Variants in PFKP observed in about 807,000 individuals in gnomAD.
PFKP encodes the protein ATP-dependent 6-phosphofructokinase, platelet type.
In PFKP, 101 loss-of-function variants were observed where a neutral mutation model predicts 94.3. The observed-to-expected ratio is 1.07, with a 90% CI of 0.91 to 1.26. PFKP has a LOEUF of 1.26. Among genes scored for constraint, PFKP ranks in the 50% most tolerant of loss-of-function variants. The probability of loss-of-function intolerance (pLI) is 0.00; values close to 1 mark genes in which losing one functional copy is unlikely to be tolerated. For missense variants in PFKP, 1,145 were observed against 1,103.3 expected, an observed-to-expected ratio of 1.04 and a Z score of -0.53; for synonymous variants, 573 against 432.6, an observed-to-expected ratio of 1.32 and a Z score of -4.03.
At position 3,101,370 on chromosome 10, in the gene PFKP, G is replaced by T; in HGVS notation, c.270G>T (p.Gly90=). 1 of 1,584,310 alleles carries T rather than the reference G, an allele frequency of 6.3e-7. No individual in the cohort carries two copies. The highest frequency in any genetic ancestry group is 8.6e-7 in the Non-Finnish European group (1 of 1,165,196). The change falls in exon 4 of 22, where the codon GGG becomes GGT. Residue 90 remains glycine, a synonymous_variant. Transcript: ENST00000381125. The part of the protein sequence containing the change: ...ESVSSILQVG[G]TIIGSARCQA... ...TTAGCTGGTGTCTTTCCCAGGGCGG[G>T]ACGATCATTGGCAGTGCGCGGTGCC...
chr10:3,103,798 C>A lies in PFKP; in HGVS notation c.474C>A (p.Ala158=), dbSNP rs77369610. 1 of 1,613,906 alleles carries A rather than the reference C, an allele frequency of 6.2e-7. No individual in the cohort carries two copies. The highest frequency in any genetic ancestry group is 1.7e-5 in the Admixed American group (1 of 60,030). The change falls in exon 5 of 22, where the codon GCC becomes GCA. Residue 158 remains alanine (A), a synonymous_variant. Transcript: ENST00000381125. ...GCGCAGGCCAGATCGATAAGGAGGC[C>A]GTGCAGAAGTACGCCTACCTCAACG... is the stretch of plus-strand genomic sequence containing the variant. ...LARNGQIDKE[A]VQKYAYLNVV...
At chr10:3,077,728 T>G (rs1402047864) in intron 1 of PFKP, among the ~76,000 whole-genome samples, 2 of 152,182 alleles carry the variant, frequency 1.3e-5, no homozygotes, top group Non-Finnish European at 2.9e-5. Flanking sequence ...CAAGGATGAC[T>G]CTGACTCAAG....
Position 3,120,766 on chromosome 10 carries a change from CCT to C in PFKP, c.1683+726_1683+727del, listed in dbSNP as rs201460179. Among the ~76,000 whole-genome samples the C allele has an allele frequency of 7.3e-3, 1,114 of 152,156 alleles. 6 individuals are homozygous for C. The highest frequency in any genetic ancestry group is 0.035 in the East Asian group (180 of 5,170). On this transcript the variant is annotated intron_variant, in intron 16 of 21. Transcript: ENST00000381125. ...CCTCGACCTCCCGGGCTCAGGTGAT[CCT>C]CTCACCTCAGCCTCCCGAGTACCTG...
chr10:3,099,975 CTG>C lies in PFKP; in HGVS notation c.264+628_264+629del, dbSNP rs543265539. Among the ~76,000 whole-genome samples the C allele has an allele frequency of 6.4e-3, 961 of 150,352 alleles. 9 individuals are homozygous for C. The highest frequency in any genetic ancestry group is 0.022 in the African/African-American group (884 of 40,826). Reference sequence around the variant, plus strand: ...TGGTGTGCCCGTGTGTATGTGTTAACTGTGTGAATTTCTGGCTAGCGAATGTG... The same window carrying C: ...TGGTGTGCCCGTGTGTATGTGTTAACTGTGAATTTCTGGCTAGCGAATGTG... On this transcript the variant is annotated intron_variant, in intron 3 of 21. Transcript: ENST00000381125.
chr10:3,135,393 A>G (rs1261258377), intron 20 of PFKP, among the ~76,000 whole-genome samples: 1 of 150,708 alleles, frequency 6.6e-6, no homozygotes, highest in Non-Finnish European at 1.5e-5. Context: ...TAATTTAGCT[A>G]TGGATGCTTT....
intron 19 of PFKP, 56 bp downstream of exon 19, chr10:3,133,370 G>T (rs529919714): frequency 9.2e-7 from 1 of 1,092,358 alleles, no homozygotes; most frequent in African/African-American, 1.5e-5. Context: ...ACTTTTAAAA[G>T]ATTAGTGTCT....
chr10:3,073,490 G>A (rs1387860683), intron 1 of PFKP, among the ~76,000 whole-genome samples: 4 of 151,778 alleles, frequency 2.6e-5, no homozygotes, highest in African/African-American at 7.3e-5. Flanking sequence ...CGACTCTCAC[G>A]GGGAGGGCAC....
rs1372257822 is a variant in PFKP at position 3,102,208 on chromosome 10, G to A, written c.454+654G>A. Among the ~76,000 whole-genome samples the A allele has an allele frequency of 2.9e-4, 34 of 115,422 alleles. 1 individual carries two copies. Among genetic ancestry groups the A allele is most frequent in the African/African-American group, 1.1e-3 (33 of 30,192 alleles). The allele number at this position is 115,422 out of a possible 152,430, so 75.7% of individuals were successfully genotyped here. A position where few individuals can be genotyped will look rare whatever the true frequency, so the allele number is the denominator to read the frequency against. ...GGAGCTTGCAGTGAGCCGAGGTCCC[G>A]CCACTGCACTCCAGCCTGGGCGACA... On this transcript the variant is annotated intron_variant, in intron 4 of 21. Transcript: ENST00000381125.
At chr10:3,069,576 G>A (rs1832030342) in intron 1 of PFKP, among the ~76,000 whole-genome samples, 1 of 152,098 alleles carries the variant, frequency 6.6e-6, no homozygotes, top group Non-Finnish European at 1.5e-5. Context: ...GGGTTTCAAG[G>A]TTATTTTGGA....
intron 2 of PFKP, among the ~76,000 whole-genome samples, chr10:3,089,178 C>A (rs1588430189): frequency 6.6e-6 from 1 of 152,166 alleles, no homozygotes; most frequent in East Asian, 1.9e-4. Context: ...GGTGATCCTG[C>A]CCTCCTGGGC....
rs556943200 is a variant in PFKP, at chr10:3,075,762, A to G, written c.113-6626A>G. On this transcript the variant is annotated intron_variant, in intron 1 of 21. Transcript: ENST00000381125. The stretch of plus-strand genomic sequence containing the variant: ...TACAAAAAATACAAAACAATTAGTC[A>G]GGCGTGGCGGTGCACACCTACAGTC... Among the ~76,000 whole-genome samples the G allele has an allele frequency of 1.9e-3, 294 of 151,048 alleles. 1 individual carries two copies. The highest frequency in any genetic ancestry group is 3.4e-3 in the South Asian group (16 of 4,714).
At chr10:3,069,200 T>A in intron 1 of PFKP, 1 of 1,279,176 alleles carries the variant, frequency 7.8e-7, no homozygotes, top group Non-Finnish European at 9.9e-7. Flanking sequence ...CAGCCCGCCC[T>A]GCAGCGCCCC....
chr10:3,101,117 C>A lies in PFKP; in HGVS notation c.265-248C>A. On this transcript the variant is annotated intron_variant, in intron 3 of 21. Transcript: ENST00000381125. ...GCTCCATGTATTTAACTGCTGGCTGCCGTGTGTCTGGCTCTGCACCCTCCC... is the reference window on the plus strand; with the variant it reads ...GCTCCATGTATTTAACTGCTGGCTGACGTGTGTCTGGCTCTGCACCCTCCC... The A allele has an allele frequency of 3.4e-6, 3 of 887,288 alleles. No individual in the cohort carries two copies. In the South Asian group the frequency reaches 4.2e-5, roughly 13 times the overall value. The allele number at this position is 887,288 out of a possible 1,614,324, so 55.0% of individuals were successfully genotyped here.
intron 16 of PFKP, among the ~76,000 whole-genome samples, chr10:3,122,790 G>T (rs1180453276): frequency 6.6e-6 from 1 of 152,204 alleles, no homozygotes; most frequent in East Asian, 1.9e-4. Context: ...TTCTCATGGG[G>T]GCAGGGGTGG....
At chr10:3,110,471 C>T (rs1482312987) in intron 10 of PFKP, among the ~76,000 whole-genome samples, 2 of 151,340 alleles carry the variant, frequency 1.3e-5, no homozygotes, top group Non-Finnish European at 2.9e-5. Flanking sequence ...CCACCTCGGC[C>T]TCCCAAAGTG....
chr10:3,127,653 C>T (rs1366338163), intron 16 of PFKP, among the ~76,000 whole-genome samples: 1 of 152,172 alleles, frequency 6.6e-6, no homozygotes, highest in African/African-American at 2.4e-5. Context: ...TCTGCACTGG[C>T]CCTTCAAGAA....
intron 1 of PFKP, among the ~76,000 whole-genome samples, chr10:3,076,528 C>T (rs1832606365): frequency 6.6e-6 from 1 of 152,134 alleles, no homozygotes; most frequent in South Asian, 2.1e-4. Flanking sequence ...GCAGCCCCTC[C>T]CTGTCCTCCA....
chr10:3,113,537 C>G lies in PFKP; in HGVS notation c.1371+19C>G, dbSNP rs754200064. 1 of 1,608,028 alleles carries G rather than the reference C, an allele frequency of 6.2e-7. No individual in the cohort carries two copies. The highest frequency in any genetic ancestry group is 8.5e-7 in the Non-Finnish European group (1 of 1,178,986). ...GGGCCAGGTGAGTCACCCAGGATGCCGTAGGCAGGCAGACACCCTGGCTGT... is the reference window on the plus strand; with the variant it reads ...GGGCCAGGTGAGTCACCCAGGATGCGGTAGGCAGGCAGACACCCTGGCTGT... On this transcript the variant is annotated intron_variant, in intron 13 of 21. Coordinates refer to ENST00000381125, the MANE Select transcript of PFKP (RefSeq NM_002627.5).
chr10:3,082,489 G>A lies in PFKP; in HGVS notation c.186+28G>A, dbSNP rs148699492. Reference sequence around the variant, plus strand: ...CAGTGTCTGCCCCTCACCCCCTGTCGCCCTTCTTCCACCTGCCCAGAGCCC... The same window carrying A: ...CAGTGTCTGCCCCTCACCCCCTGTCACCCTTCTTCCACCTGCCCAGAGCCC... On this transcript the variant is annotated intron_variant, in intron 2 of 21. Coordinates refer to ENST00000381125, the MANE Select transcript of PFKP (RefSeq NM_002627.5). 2,017 of 1,560,308 alleles carry A rather than the reference G, an allele frequency of 1.3e-3. 20 individuals are homozygous for A. The African/African-American group carries it at 0.022, about 17-fold the overall frequency.
Sources: allele counts gnomAD v4.1 joint callset (sites outside exome capture counted in the v4.1 genomes callset), GRCh38; gene constraint gnomAD v4.1.1; transcripts MANE v1.5; gene names NCBI Gene and HGNC (gene_info 2026-07-23, HGNC 2026-07-21).